DPF3: variants seen among roughly 807,000 people sequenced by gnomAD.
DPF3 encodes double PHD fingers 3, also known as zinc finger protein DPF3.
In DPF3, 18 loss-of-function variants were observed where a neutral mutation model predicts 56.8. The observed-to-expected ratio is 0.32, with a 90% CI of 0.22 to 0.47. DPF3 has a LOEUF of 0.47. DPF3 is among the 20% of genes least tolerant of loss of function. The pLI, the probability that DPF3 is intolerant of heterozygous loss-of-function variation, is 1.00. For synonymous variants in DPF3, 188 were observed against 180.2 expected, an observed-to-expected ratio of 1.04 and a Z score of -0.35; for missense variants, 403 against 488.8, an observed-to-expected ratio of 0.82 and a Z score of 1.65.
At chr14:72,638,562 C>G (rs963383021) in intron 8 of DPF3, among the ~76,000 whole-genome samples, 20 of 152,300 alleles carry the variant, frequency 1.3e-4, no homozygotes, top group Admixed American at 1.2e-3. Context: ...CACTTGATTG[C>G]CCATGATCCT....
At chr14:72,738,719 G>T (rs1284350662) in intron 3 of DPF3, among the ~76,000 whole-genome samples, 1 of 152,176 alleles carries the variant, frequency 6.6e-6, no homozygotes, top group Non-Finnish European at 1.5e-5. Flanking sequence ...ACAGCATGGT[G>T]ACTCCAGTTA....
At chr14:72,839,709 G>T (rs74475253) in intron 1 of DPF3, among the ~76,000 whole-genome samples, 2,645 of 152,278 alleles carry the variant, frequency 0.017, 75 homozygotes, top group African/African-American at 0.06. Flanking sequence ...GCTACACACA[G>T]ATAAGAAGCT....
chr14:72,824,502 C>G (rs936413758), intron 1 of DPF3, among the ~76,000 whole-genome samples: 1 of 151,902 alleles, frequency 6.6e-6, no homozygotes, highest in Non-Finnish European at 1.5e-5. Flanking sequence ...TTCTTTATGT[C>G]GCTTCAACAA....
chr14:72,885,369 GGTTTGTTTGTTTGTTTGTTTGTTT>G (rs36017937), intron 1 of DPF3, among the ~76,000 whole-genome samples: 1 of 149,106 alleles, frequency 6.7e-6, no homozygotes, highest in African/African-American at 2.5e-5. Flanking sequence ...TAATTTTTTG[GGTTTGTTTGTTTGTTTGTTTGTTT>G]GTTTGTTTGT....
In DPF3 at chr14:72,722,911, T is replaced by C. The variant is rs542248612; in HGVS notation, c.525+722A>G. Reference sequence around the variant, plus strand: ...AGGCTCTGGCTTTTTCCTTGTCCCATCCGAGGACCCCTGGGATGGTCTCAA... The same window carrying C: ...AGGCTCTGGCTTTTTCCTTGTCCCACCCGAGGACCCCTGGGATGGTCTCAA... On this transcript the variant is annotated intron_variant, in intron 5 of 10. Coordinates refer to ENST00000556509, the MANE Select transcript of DPF3 (RefSeq NM_001280542.3). Among the ~76,000 whole-genome samples, 9 of 152,036 alleles carry C rather than the reference T, an allele frequency of 5.9e-5. No individual in the cohort carries two copies. The South Asian group carries it at 1.7e-3, about 28-fold the overall frequency.
intron 1 of DPF3, among the ~76,000 whole-genome samples, chr14:72,811,301 T>C (rs1883035229): frequency 6.6e-6 from 1 of 152,140 alleles, no homozygotes; most frequent in Non-Finnish European, 1.5e-5. Flanking sequence ...ATCATATCAA[T>C]TAGTGTCCTT....
At chr14:72,690,722 C>A (rs11844112) in intron 7 of DPF3, among the ~76,000 whole-genome samples, 5,242 of 152,168 alleles carry the variant, frequency 0.034, 311 homozygotes, top group African/African-American at 0.12. Context: ...AGACAAGAAG[C>A]ATTCCAAACC....
At chr14:72,800,676 G>A (rs1892852755) in intron 1 of DPF3, among the ~76,000 whole-genome samples, 1 of 151,998 alleles carries the variant, frequency 6.6e-6, no homozygotes, top group Non-Finnish European at 1.5e-5. Flanking sequence ...ATGAACGGAT[G>A]CATGGATGGA....
chr14:72,697,074 A>G (rs1049410339), intron 6 of DPF3, among the ~76,000 whole-genome samples: 2 of 136,188 alleles, frequency 1.5e-5, no homozygotes, highest in African/African-American at 5.6e-5. Context: ...AGCAGTTATT[A>G]GCAGAATCAG....
chr14:72,893,628 C>T (rs1302262314), intron 1 of DPF3, among the ~76,000 whole-genome samples: 4 of 151,816 alleles, frequency 2.6e-5, no homozygotes, highest in African/African-American at 4.8e-5. Context: ...GCGCGGGGCT[C>T]GGCCAAGTAC....
rs77839845 is a variant in DPF3 at position 72,823,886 on chromosome 14, C to T, written c.33-51993G>A. Among the ~76,000 whole-genome samples the T allele has an allele frequency of 5.6e-3, 854 of 152,258 alleles. 8 individuals are homozygous for T. The highest frequency in any genetic ancestry group is 0.014 in the Middle Eastern group (4 of 294). Reference sequence around the variant, plus strand: ...GAGGCTGATCTATGCTTAGGGAGCTCAGAAAATGCTATGCTTCCTTCCAGC... The same window carrying T: ...GAGGCTGATCTATGCTTAGGGAGCTTAGAAAATGCTATGCTTCCTTCCAGC... On this transcript the variant is annotated intron_variant, in intron 1 of 10. Coordinates refer to ENST00000556509, the MANE Select transcript of DPF3 (RefSeq NM_001280542.3).
intron 1 of DPF3, among the ~76,000 whole-genome samples, chr14:72,794,673 G>A (rs1184253174): frequency 6.6e-6 from 1 of 152,188 alleles, no homozygotes; most frequent in Non-Finnish European, 1.5e-5. Context: ...CACAGGACAG[G>A]TAGAAGGGTG....
chr14:72,800,324 G>C (rs951302122), intron 1 of DPF3, among the ~76,000 whole-genome samples: 1 of 152,110 alleles, frequency 6.6e-6, no homozygotes, highest in Non-Finnish European at 1.5e-5. Flanking sequence ...TTACCTGCCT[G>C]GTCCCTTTAA....
chr14:72,754,008 T>TA (rs1318260633), intron 2 of DPF3, among the ~76,000 whole-genome samples: 4 of 149,310 alleles, frequency 2.7e-5, no homozygotes, highest in African/African-American at 9.9e-5. Flanking sequence ...GCCTGGGCCT[T>TA]ACAAAAAAAA....
At chr14:72,880,447 G>C (rs1886282909) in intron 1 of DPF3, among the ~76,000 whole-genome samples, 1 of 152,258 alleles carries the variant, frequency 6.6e-6, no homozygotes, top group Non-Finnish European at 1.5e-5. Flanking sequence ...GGACAAGCTA[G>C]TTCTGAAACC....
intron 1 of DPF3, among the ~76,000 whole-genome samples, chr14:72,863,693 T>C (rs1885546466): frequency 6.6e-6 from 1 of 152,126 alleles, no homozygotes; most frequent in Admixed American, 6.6e-5. Flanking sequence ...AGCCACCTAC[T>C]GTGTGCCCAG....
intron 8 of DPF3, among the ~76,000 whole-genome samples, chr14:72,638,787 T>C (rs185044692): frequency 3.9e-5 from 6 of 152,088 alleles, no homozygotes; most frequent in Admixed American, 3.9e-4. Flanking sequence ...GGACTGACAG[T>C]GTACTCATGA....
chr14:72,723,691 T>G lies in DPF3; in HGVS notation c.467A>C (p.Asn156Thr). Residue 156 changes from asparagine (N) to threonine (T), a missense_variant, in exon 5 of 11, where the codon AAT (asparagine) becomes ACT (threonine). Asn to Thr is a moderately conservative substitution (Grantham distance 65). Transcript: ENST00000556509. ...LENDENVEEG[N>T]EEEDLEEDIP... Reference sequence around the variant, plus strand: ...ATCCTCTTCCAAATCCTCTTCTTCATTCCCTTCTTCTACATTTTCATCATT... The same window carrying G: ...ATCCTCTTCCAAATCCTCTTCTTCAGTCCCTTCTTCTACATTTTCATCATT... The G allele has an allele frequency of 6.3e-7, 1 of 1,589,340 alleles. No homozygotes were observed. The highest frequency in any genetic ancestry group is 2.3e-5 in the East Asian group (1 of 43,846).
At chr14:72,864,683 T>C (rs1885592840) in intron 1 of DPF3, among the ~76,000 whole-genome samples, 1 of 150,582 alleles carries the variant, frequency 6.6e-6, no homozygotes, top group Admixed American at 6.7e-5. Context: ...GATGGATGGA[T>C]GGATGGATGG....
Sources: gnomAD v4.1 joint callset for allele counts (sites outside exome capture counted in the v4.1 genomes callset) on GRCh38, gnomAD v4.1.1 for gene constraint, MANE v1.5 for transcripts, NCBI Gene and HGNC (gene_info 2026-07-23, HGNC 2026-07-21) for gene names.